The following CELF2 variants were observed in gnomAD, a reference collection of about 807,000 sequenced individuals.
CELF2 encodes the protein CUG triplet repeat RNA-binding protein 2.
In CELF2, 8 loss-of-function variants were observed where a neutral mutation model predicts 62.6. The ratio of observed to expected loss-of-function variants is 0.13; its 90% confidence interval spans 0.07 to 0.23. The LOEUF is 0.23. CELF2 is among the 10% of genes least tolerant of loss of function. The pLI is 1.00. For missense variants in CELF2, 333 were observed against 671.0 expected, an observed-to-expected ratio of 0.50 and a Z score of 5.56; for synonymous variants, 258 against 250.0, an observed-to-expected ratio of 1.03 and a Z score of -0.30.
At chr10:11,196,545 T>TG (rs1190321234) in intron 2 of CELF2, among the ~76,000 whole-genome samples, 1 of 151,966 alleles carries the variant, frequency 6.6e-6, no homozygotes, top group Non-Finnish European at 1.5e-5. Context: ...TTCATGCCGG[T>TG]GGTCCCAGCT....
At chr10:10,829,852 A>G (rs528866994) in intron 1 of CELF2, among the ~76,000 whole-genome samples, 10 of 152,264 alleles carry the variant, frequency 6.6e-5, no homozygotes, top group Middle Eastern at 3.4e-3. Context: ...CGTGGTGCAT[A>G]TGTTCTAATG....
Position 11,251,726 on chromosome 10 carries a change from T to C in CELF2, c.403+2525T>C, listed in dbSNP as rs1433934470. On this transcript the variant is annotated intron_variant, in intron 4 of 12. Coordinates refer to ENST00000633077, the MANE Select transcript of CELF2 (RefSeq NM_001326342.2). ...AGTGGTGTCATCTGAACACTTGTTG[T>C]AATGCCCGTCTTACAAGGTTATTTG... Among the ~76,000 whole-genome samples, 3 of 152,240 alleles carry C rather than the reference T, an allele frequency of 2.0e-5. No homozygotes were observed. In the South Asian group the frequency reaches 6.2e-4, roughly 32 times the overall value.
chr10:10,508,704 GTATA>G, the CELF2 span, among the ~76,000 whole-genome samples: 1 of 60,944 alleles, frequency 1.6e-5, no homozygotes, highest in African/African-American at 5.2e-5. Flanking sequence ...GTGTGTGTGT[GTATA>G]TTTTTTTTTT....
chr10:10,875,584 T>C (rs12254648), intron 1 of CELF2, among the ~76,000 whole-genome samples: 2,017 of 152,298 alleles, frequency 0.013, 57 homozygotes, highest in African/African-American at 0.046. Context: ...GAGGGTTGTT[T>C]CTCCTCTTCC....
At chr10:11,154,455 C>T (rs2063911358) in intron 1 of CELF2, among the ~76,000 whole-genome samples, 1 of 152,222 alleles carries the variant, frequency 6.6e-6, no homozygotes, top group African/African-American at 2.4e-5. Flanking sequence ...TGTAGCATGA[C>T]AGACCAGCAT....
At position 11,117,681 on chromosome 10, in the gene CELF2, T is replaced by C. The variant is rs1260655147; in HGVS notation, c.75-47805T>C. ...GAGCAGTGGTCTCCATTCCAGGTGA[T>C]GAATGACAAAATCACCCAAGTATTT... On this transcript the variant is annotated intron_variant, in intron 1 of 12. Coordinates refer to ENST00000633077, the MANE Select transcript of CELF2 (RefSeq NM_001326342.2). The surrounding 1 kb of genome is among the most constrained non-coding windows in gnomAD (Gnocchi z 4.1). Among the ~76,000 whole-genome samples the C allele has an allele frequency of 6.6e-6, 1 of 152,204 alleles. No individual in the cohort carries two copies. Among genetic ancestry groups the C allele is most frequent in the South Asian group, 2.1e-4 (1 of 4,834 alleles).
At chr10:11,241,183 T>C (rs1450481447) in intron 3 of CELF2, among the ~76,000 whole-genome samples, 1 of 152,204 alleles carries the variant, frequency 6.6e-6, no homozygotes, top group Non-Finnish European at 1.5e-5. Context: ...TATGGCTTTG[T>C]CCCAGTGATA....
At chr10:10,906,722 T>C (rs952632997) in intron 1 of CELF2, among the ~76,000 whole-genome samples, 2 of 141,958 alleles carry the variant, frequency 1.4e-5, no homozygotes, top group Non-Finnish European at 3.1e-5. Context: ...CTTTTCTTTT[T>C]TTTTTTTTTT....
intron 1 of CELF2, among the ~76,000 whole-genome samples, chr10:11,103,022 C>G (rs11256979): frequency 0.049 from 7,499 of 152,262 alleles, 239 homozygotes; most frequent in Middle Eastern, 0.095. Context: ...TTGTTACTCC[C>G]TATTCAGAAT....
At chr10:11,124,466 A>T (rs893368191) in intron 1 of CELF2, among the ~76,000 whole-genome samples, 25 of 152,238 alleles carry the variant, frequency 1.6e-4, no homozygotes, top group African/African-American at 6.0e-4. Context: ...ATTGCATTAC[A>T]AAGATGAATG....
chr10:11,175,807 G>T (rs565143711), intron 2 of CELF2, among the ~76,000 whole-genome samples: 1 of 152,346 alleles, frequency 6.6e-6, no homozygotes, highest in South Asian at 2.1e-4. Context: ...CAGTCATGTG[G>T]CAGTAGATGC....
chr10:10,707,390 G>A, the CELF2 span, among the ~76,000 whole-genome samples: 277 of 152,122 alleles, frequency 1.8e-3, 6 homozygotes, highest in Admixed American at 0.018. Flanking sequence ...TTTTAATTTG[G>A]GGTAGGAAAA....
At chr10:11,179,014 A>G (rs1214331018) in intron 2 of CELF2, among the ~76,000 whole-genome samples, 1 of 152,212 alleles carries the variant, frequency 6.6e-6, no homozygotes, top group African/African-American at 2.4e-5. Flanking sequence ...CCCCCATTTC[A>G]CAGAAAAGGA....
the CELF2 span, among the ~76,000 whole-genome samples, chr10:10,503,811 C>T: frequency 1.3e-5 from 2 of 151,418 alleles, no homozygotes; most frequent in Non-Finnish European, 3.0e-5. Context: ...TTTCTGTTTT[C>T]TTTTTCTTTT....
At chr10:10,785,269 A>C in the CELF2 span, among the ~76,000 whole-genome samples, 2 of 152,138 alleles carry the variant, frequency 1.3e-5, no homozygotes, top group African/African-American at 2.4e-5. Flanking sequence ...CCAGCTTCTG[A>C]GATTCTATCT....
At chr10:10,624,216 A>G in the CELF2 span, among the ~76,000 whole-genome samples, 1 of 152,212 alleles carries the variant, frequency 6.6e-6, no homozygotes, top group Non-Finnish European at 1.5e-5. Flanking sequence ...GACAGTTGAC[A>G]TGGATCATAG....
At chr10:10,587,233 G>C in the CELF2 span, among the ~76,000 whole-genome samples, 3 of 152,170 alleles carry the variant, frequency 2.0e-5, no homozygotes, top group African/African-American at 7.2e-5. Flanking sequence ...TGTGTAGCCC[G>C]CATGGGGATT....
chr10:10,696,572 C>G, the CELF2 span, among the ~76,000 whole-genome samples: 5 of 151,976 alleles, frequency 3.3e-5, no homozygotes, highest in Non-Finnish European at 7.4e-5. Context: ...CTAAGCAAGC[C>G]TGGGCAATGG....
At chr10:11,212,227 G>T (rs556814989) in intron 2 of CELF2, among the ~76,000 whole-genome samples, 37 of 152,310 alleles carry the variant, frequency 2.4e-4, no homozygotes, top group African/African-American at 8.2e-4. Flanking sequence ...GAGGTAGGCA[G>T]GGTGACAGCT....
Sources: gnomAD v4.1 joint callset for allele counts (sites outside exome capture counted in the v4.1 genomes callset) on GRCh38, gnomAD v4.1.1 for gene constraint, Gnocchi (gnomAD v3.1) non-coding constraint, MANE v1.5 for transcripts, NCBI Gene and HGNC (gene_info 2026-07-23, HGNC 2026-07-21) for gene names.